The following CPS1 variants were observed in gnomAD, a reference collection of about 807,000 sequenced individuals.
CPS1 encodes the protein carbamoyl-phosphate synthase 1, also known as carbamoyl-phosphate synthase [ammonia], mitochondrial.
A neutral mutation model predicts 174.6 loss-of-function variants in CPS1; 109 were observed. That is an observed-to-expected ratio of 0.62 (90% CI 0.53 to 0.73). The LOEUF (loss-of-function observed/expected upper bound fraction) is 0.73. Among genes scored for constraint, CPS1 ranks in the 30% least tolerant of loss-of-function variants. The pLI, the probability that CPS1 is intolerant of heterozygous loss-of-function variation, is 0.00. For synonymous variants in CPS1, 637 were observed against 632.0 expected (o/e 1.01, Z -0.12); for missense variants, 1,689 against 1,821.9 (o/e 0.93, Z 1.33).
At chr2:210,622,971 G>A (rs931093817) in intron 21 of CPS1, among the ~76,000 whole-genome samples, 5 of 151,608 alleles carry the variant, frequency 3.3e-5, no homozygotes, top group East Asian at 1.9e-4. Flanking sequence ...GTATAATTTC[G>A]CTCTTTTACT....
chr2:210,509,454 C>T (rs988935012), intron 1 of CPS1, among the ~76,000 whole-genome samples: 45 of 152,230 alleles, frequency 3.0e-4, no homozygotes, highest in African/African-American at 1.1e-3. Context: ...GGAAGCATTC[C>T]CTTTGAAAAC....
intron 1 of CPS1, among the ~76,000 whole-genome samples, chr2:210,550,618 A>C (rs774722323): frequency 6.6e-6 from 1 of 152,024 alleles, no homozygotes; most frequent in Non-Finnish European, 1.5e-5. Context: ...AGGCAAGATC[A>C]TACTTATCAT....
chr2:210,638,972 A>G (rs1389766408), intron 22 of CPS1, among the ~76,000 whole-genome samples, 178 bp from the exon 23 acceptor site: 2 of 151,968 alleles, frequency 1.3e-5, no homozygotes, highest in African/African-American at 4.8e-5. Context: ...CCACATCACT[A>G]TTTTCTCTCT....
intron 21 of CPS1, among the ~76,000 whole-genome samples, chr2:210,617,067 A>G (rs968135501): frequency 1.3e-5 from 2 of 152,020 alleles, no homozygotes; most frequent in South Asian, 4.1e-4. Flanking sequence ...TTCTCTTAAC[A>G]GACTCTTCAC....
At chr2:210,641,228 C>G (rs1269208084) in intron 24 of CPS1, among the ~76,000 whole-genome samples, 1 of 152,128 alleles carries the variant, frequency 6.6e-6, no homozygotes, top group African/African-American at 2.4e-5. Context: ...CTCAAGCACT[C>G]CTCCCACCTC....
intron 20 of CPS1, among the ~76,000 whole-genome samples, chr2:210,614,465 GA>G (rs1699234968): frequency 6.6e-6 from 1 of 151,906 alleles, no homozygotes; most frequent in South Asian, 2.1e-4. Flanking sequence ...GATCCTTGAG[GA>G]AATGCCACAC....
chr2:210,629,093 T>C (rs187018419), intron 21 of CPS1, among the ~76,000 whole-genome samples: 2 of 152,326 alleles, frequency 1.3e-5, no homozygotes, highest in Admixed American at 1.3e-4. Flanking sequence ...ATCTGTTAGA[T>C]TTAAATTCTG....
intron 6 of CPS1, among the ~76,000 whole-genome samples, chr2:210,586,139 G>A (rs1698099694): frequency 2.0e-5 from 3 of 151,928 alleles, no homozygotes; most frequent in Admixed American, 6.6e-5. Context: ...CTCCTGTCAC[G>A]TGAAAATGAG....
chr2:210,512,984 A>AGATACATATATATG (rs1695560201), intron 1 of CPS1, among the ~76,000 whole-genome samples: 1 of 23,606 alleles, frequency 4.2e-5, no homozygotes, highest in African/African-American at 8.4e-5. Flanking sequence ...ATATATATGG[A>AGATACATATATATG]GAGATATATA....
intron 21 of CPS1, among the ~76,000 whole-genome samples, chr2:210,633,410 A>T (rs766726335): frequency 1.3e-5 from 2 of 151,550 alleles, no homozygotes; most frequent in Non-Finnish European, 2.9e-5. Context: ...TTCTTTGCTG[A>T]TAAGTGTTCA....
intron 1 of CPS1, among the ~76,000 whole-genome samples, chr2:210,509,075 A>C (rs1247548648): frequency 1.3e-5 from 2 of 152,030 alleles, no homozygotes; most frequent in South Asian, 4.1e-4. Context: ...GAGACACAAC[A>C]AAAAAAGAGA....
intron 33 of CPS1, among the ~76,000 whole-genome samples, chr2:210,663,918 G>A (rs1423167732): frequency 6.6e-6 from 1 of 151,932 alleles, no homozygotes; most frequent in Non-Finnish European, 1.5e-5. Flanking sequence ...GGCAATATCA[G>A]ACTGTGAGCC....
chr2:210,613,991 A>G (rs991316609), intron 20 of CPS1, among the ~76,000 whole-genome samples: 1 of 151,890 alleles, frequency 6.6e-6, no homozygotes, highest in African/African-American at 2.4e-5. Flanking sequence ...GAATGAAGGG[A>G]GTGTGTAAAT....
At chr2:210,512,354 C>T (rs1047687160) in intron 1 of CPS1, among the ~76,000 whole-genome samples, 3 of 150,794 alleles carry the variant, frequency 2.0e-5, no homozygotes, top group Non-Finnish European at 1.5e-5. Flanking sequence ...TGTCCCCATG[C>T]CTCCTTCCCC....
rs1219499475 is a variant in CPS1 at position 210,656,633 on chromosome 2, GTCA to G, written c.3666+6_3666+8del. On this transcript the variant is annotated splice_donor_variant and splice_donor_region_variant and intron_variant, in intron 30 of 37. Transcript: ENST00000233072. LOFTEE classifies it high-confidence loss of function. ...CATCAGCCAAGGGGCCATTGAAAAGGTCATCATTTATAAATAAAAGTGGAAGGG... is the reference window on the plus strand; with the variant it reads ...CATCAGCCAAGGGGCCATTGAAAAGGTCATTTATAAATAAAAGTGGAAGGG... 8.1e-6 allele frequency: 13 copies of G among 1,607,718 alleles called. No individual in the cohort carries two copies. The highest frequency in any genetic ancestry group is 1.1e-5 in the Non-Finnish European group (13 of 1,175,418).
At chr2:210,628,354 A>G (rs914665930) in intron 21 of CPS1, among the ~76,000 whole-genome samples, 4 of 152,148 alleles carry the variant, frequency 2.6e-5, no homozygotes, top group African/African-American at 9.7e-5. Flanking sequence ...TAGACTGAAT[A>G]TGACATGTCA....
rs1297131870 is a variant in CPS1 at position 210,608,368 on chromosome 2, T to C, written c.2200T>C (p.Leu734=). ...TTTGTCTTCTTTTTATAGCTACCCA[T>C]TGGCATTCATTGCTGCAAAGATTGC... is the stretch of plus-strand genomic sequence containing the variant. ...ALASKATGYP[L]AFIAAKIALG... Residue 734 remains leucine (L), a synonymous_variant, in exon 19 of 38, where the codon TTG becomes CTG. Transcript: ENST00000233072. The C allele has an allele frequency of 1.9e-6, 3 of 1,611,892 alleles. No individual in the cohort carries two copies. In the African/African-American group the frequency reaches 4.0e-5, roughly 22 times the overall value.
At chr2:210,608,040 A>C (rs557110179) in intron 18 of CPS1, among the ~76,000 whole-genome samples, 3 of 151,876 alleles carry the variant, frequency 2.0e-5, no homozygotes, top group African/African-American at 7.3e-5. Flanking sequence ...ATCTTAGTGG[A>C]GGTTAAATAC....
chr2:210,623,880 C>A (rs1699616047), intron 21 of CPS1, among the ~76,000 whole-genome samples: 1 of 151,970 alleles, frequency 6.6e-6, no homozygotes. Flanking sequence ...ATTGAAGTTT[C>A]TGGGGGAAAA....
Sources: allele counts gnomAD v4.1 joint callset (sites outside exome capture counted in the v4.1 genomes callset), GRCh38; gene constraint gnomAD v4.1.1; transcripts MANE v1.5; gene names NCBI Gene and HGNC (gene_info 2026-07-23, HGNC 2026-07-21).